GABRA3: variants seen among roughly 807,000 people sequenced by gnomAD.
The protein encoded by GABRA3 is gamma-aminobutyric acid receptor subunit alpha-3.
Under a neutral mutation model 30.1 loss-of-function variants are expected in GABRA3, and 10 were observed. The ratio of observed to expected loss-of-function variants is 0.33; its 90% confidence interval spans 0.20 to 0.56. GABRA3 has a LOEUF of 0.56. Ranked by LOEUF, GABRA3 falls within the 20% of genes least tolerant of loss-of-function variation. GABRA3 has a pLI of 0.89. For missense variants in GABRA3, 233 were observed against 392.0 expected, an observed-to-expected ratio of 0.59 and a Z score of 3.42; for synonymous variants, 151 against 146.8, an observed-to-expected ratio of 1.03 and a Z score of -0.21.
intron 9 of GABRA3, among the ~76,000 whole-genome samples, chrX:152,173,954 C>T (rs754088715): frequency 1.6e-4 from 18 of 109,948 alleles, no homozygotes; most frequent in African/African-American, 5.6e-4. Context: ...CCTCACCCCA[C>T]AACAGGCCCT....
At chrX:152,217,710 A>C (rs1937754583) in intron 6 of GABRA3, among the ~76,000 whole-genome samples, 1 of 110,300 alleles carries the variant, frequency 9.1e-6, no homozygotes, top group Admixed American at 9.7e-5. Flanking sequence ...CAGTTTGTAT[A>C]TTTCTATGAC....
intron 3 of GABRA3, among the ~76,000 whole-genome samples, chrX:152,287,063 C>T (rs1281982262): frequency 1.8e-5 from 2 of 111,451 alleles, no homozygotes; most frequent in South Asian, 7.5e-4. Context: ...GACATAATGA[C>T]CTCCAATTGT....
At chrX:152,228,140 T>A (rs939559080) in intron 5 of GABRA3, among the ~76,000 whole-genome samples, 28 of 111,691 alleles carry the variant, frequency 2.5e-4, no homozygotes, top group African/African-American at 9.1e-4. Context: ...TTAGCCTGAA[T>A]ACAGTCAGAG....
chrX:152,378,673 G>C (rs962038354), intron 1 of GABRA3, among the ~76,000 whole-genome samples: 1 of 111,298 alleles, frequency 9.0e-6, no homozygotes, highest in Non-Finnish European at 1.9e-5. Flanking sequence ...ATATATCGGC[G>C]ATTTTTTACA....
intron 3 of GABRA3, among the ~76,000 whole-genome samples, chrX:152,310,107 C>T (rs1939777415): frequency 8.9e-6 from 1 of 111,911 alleles, no homozygotes; most frequent in Admixed American, 9.5e-5. Flanking sequence ...TATATGCAAC[C>T]AACACTGGAA....
rs745700349 is a variant in GABRA3 at position 152,168,545 on chromosome X, G to A, written c.1162C>T (p.Pro388Ser). The change falls in exon 10 of 10, where the codon CCA becomes TCA. Residue 388 changes from proline to serine, a missense_variant. By Grantham distance (74) the Pro-to-Ser change is moderately conservative. Transcript: ENST00000370314. ...AAGGTAGTGCTGGTTTTCTTTGCTGGGGCTGCTGGTGTTTTCTTCTAGAGG... is the reference window on the plus strand; with the variant it reads ...AAGGTAGTGCTGGTTTTCTTTGCTGAGGCTGCTGGTGTTTTCTTCTAGAGG... ...LEMKKKTPAAPAKKTSTTFNI... is the reference protein window; with the variant it reads ...LEMKKKTPAASAKKTSTTFNI... 5.8e-6 allele frequency: 7 copies of A among 1,207,507 alleles called. No individual in the cohort carries two copies. The highest frequency in any genetic ancestry group is 7.8e-6 in the Non-Finnish European group (7 of 892,025).
chrX:152,339,687 C>T (rs921709954), intron 3 of GABRA3, among the ~76,000 whole-genome samples: 2 of 111,538 alleles, frequency 1.8e-5, no homozygotes, highest in East Asian at 5.6e-4. Flanking sequence ...GCTTTCTTTA[C>T]TTATTTTCTG....
At chrX:152,397,632 T>C (rs1929693074) in intron 1 of GABRA3, among the ~76,000 whole-genome samples, 1 of 112,087 alleles carries the variant, frequency 8.9e-6, no homozygotes, top group Admixed American at 9.5e-5. Context: ...AGAAAAAATC[T>C]TGAATGATCC....
chrX:152,337,324 A>G (rs1392076883), intron 3 of GABRA3, among the ~76,000 whole-genome samples: 2 of 111,336 alleles, frequency 1.8e-5, no homozygotes, highest in Non-Finnish European at 3.8e-5. Context: ...ATCTAATTGT[A>G]TATTTATACC....
intron 1 of GABRA3, among the ~76,000 whole-genome samples, chrX:152,413,800 A>G (rs1356313703): frequency 9.0e-6 from 1 of 110,723 alleles, no homozygotes; most frequent in Non-Finnish European, 1.9e-5. Flanking sequence ...ACAATAAAGA[A>G]AAAAAAGGAA....
At chrX:152,248,842 C>T (rs770532383) in intron 5 of GABRA3, among the ~76,000 whole-genome samples, 1 of 111,706 alleles carries the variant, frequency 9.0e-6, no homozygotes, top group Non-Finnish European at 1.9e-5. Context: ...CATCACAAAA[C>T]GTTAACTATG....
intron 3 of GABRA3, among the ~76,000 whole-genome samples, chrX:152,319,774 T>C (rs1337579077): frequency 9.0e-6 from 1 of 110,932 alleles, no homozygotes; most frequent in Non-Finnish European, 1.9e-5. Flanking sequence ...GGACAGTCAG[T>C]AGAGTAAACA....
At chrX:152,395,364 A>G (rs1929631297) in intron 1 of GABRA3, among the ~76,000 whole-genome samples, 1 of 111,656 alleles carries the variant, frequency 9.0e-6, no homozygotes, top group Non-Finnish European at 1.9e-5. Context: ...TCCACACAGA[A>G]GGAGATTATG....
rs1300494865 is a variant in GABRA3, at chrX:152,166,768, G to T, written c.*1460C>A. ...AAAAACCTTTTTGGTGCCCAACCAA[G>T]TTCCACTAGTGACCCAGAAGGCCCG... On this transcript the variant is annotated 3_prime_UTR_variant, in exon 10 of 10. Transcript: ENST00000370314. The T allele has an allele frequency of 9.0e-6, 1 of 110,728 alleles. No homozygotes were observed. Among genetic ancestry groups the T allele is most frequent in the East Asian group, 2.9e-4 (1 of 3,507 alleles). 9.1% of individuals were successfully genotyped at this position (110,728 alleles called of 1,213,427 possible).
At chrX:152,413,952 A>G (rs1930139951) in intron 1 of GABRA3, among the ~76,000 whole-genome samples, 1 of 111,194 alleles carries the variant, frequency 9.0e-6, no homozygotes, top group South Asian at 3.7e-4. Flanking sequence ...ACACAAGATC[A>G]ATATGCGAAA....
chrX:152,224,867 A>G (rs1238013250), intron 5 of GABRA3, 22 bp from the exon 6 acceptor site: 7 of 1,056,469 alleles, frequency 6.6e-6, no homozygotes, highest in African/African-American at 1.8e-5. Flanking sequence ...GCAAACAGAA[A>G]ATGAAATTAA....
intron 8 of GABRA3, among the ~76,000 whole-genome samples, chrX:152,193,029 T>C (rs1383595722): frequency 8.9e-6 from 1 of 112,036 alleles, no homozygotes; most frequent in African/African-American, 3.2e-5. Context: ...GCAATCCATA[T>C]TTTCTTTGAT....
chrX:152,177,438 A>G (rs1367998523), intron 9 of GABRA3, among the ~76,000 whole-genome samples: 1 of 111,573 alleles, frequency 9.0e-6, no homozygotes, highest in Non-Finnish European at 1.9e-5. Flanking sequence ...CAAGGATGAC[A>G]CAGAGGCGAG....
At chrX:152,309,434 A>C (rs1939768157) in intron 3 of GABRA3, among the ~76,000 whole-genome samples, 1 of 111,180 alleles carries the variant, frequency 9.0e-6, no homozygotes, top group African/African-American at 3.3e-5. Context: ...AACATCATCA[A>C]GCTAATAGCA....
Sources: gnomAD v4.1 joint callset for allele counts (sites outside exome capture counted in the v4.1 genomes callset) on GRCh38, gnomAD v4.1.1 for gene constraint, MANE v1.5 for transcripts, NCBI Gene and HGNC (gene_info 2026-07-23, HGNC 2026-07-21) for gene names.